The following TRPC4 variants were observed in gnomAD, a reference collection of about 807,000 sequenced individuals.
TRPC4 encodes transient receptor potential cation channel subfamily C member 4.
In TRPC4, 49 loss-of-function variants were observed where a neutral mutation model predicts 99.4. That is an observed-to-expected ratio of 0.49 (90% CI 0.39 to 0.63). The LOEUF (loss-of-function observed/expected upper bound fraction) is 0.63, where lower values mean the gene tolerates loss of function less well. Among genes scored for constraint, TRPC4 ranks in the 20% least tolerant of loss-of-function variants. The pLI is 0.00. For missense variants in TRPC4, 898 were observed against 1,152.9 expected (o/e 0.78, Z 3.20); for synonymous variants, 454 against 425.9 (o/e 1.07, Z -0.81).
intron 1 of TRPC4, among the ~76,000 whole-genome samples, chr13:37,800,906 T>A (rs962017057): frequency 2.0e-5 from 3 of 151,906 alleles, no homozygotes; most frequent in Admixed American, 6.6e-5. Flanking sequence ...ATGGTTTCGG[T>A]TTTTAAGCTG....
intron 3 of TRPC4, among the ~76,000 whole-genome samples, chr13:37,702,318 T>C (rs757336739): frequency 6.6e-6 from 1 of 152,190 alleles, no homozygotes; most frequent in Non-Finnish European, 1.5e-5. Flanking sequence ...GTTTGGACAT[T>C]AGCATGTCTT....
chr13:37,776,343 T>C (rs1465416376), intron 2 of TRPC4, among the ~76,000 whole-genome samples: 2 of 151,920 alleles, frequency 1.3e-5, no homozygotes, highest in Non-Finnish European at 2.9e-5. Flanking sequence ...AATCGATATA[T>C]AAAGAAACAT....
chr13:37,722,340 C>T (rs573971387), intron 3 of TRPC4, among the ~76,000 whole-genome samples: 1 of 152,264 alleles, frequency 6.6e-6, no homozygotes, highest in South Asian at 2.1e-4. Context: ...TAACCTTCTT[C>T]CACCACTGGC....
At chr13:37,656,955 G>A (rs1273858346) in intron 6 of TRPC4, among the ~76,000 whole-genome samples, 1 of 152,132 alleles carries the variant, frequency 6.6e-6, no homozygotes, top group Non-Finnish European at 1.5e-5. Flanking sequence ...AGACTGAAGG[G>A]CTATAATTCT....
intron 6 of TRPC4, among the ~76,000 whole-genome samples, chr13:37,657,211 T>C (rs1021845765): frequency 2.4e-4 from 37 of 152,350 alleles, no homozygotes; most frequent in African/African-American, 8.9e-4. Flanking sequence ...GAAAGGGCAC[T>C]GATCTGATCA....
chr13:37,740,508 T>C (rs780550506), intron 3 of TRPC4, among the ~76,000 whole-genome samples: 3 of 152,218 alleles, frequency 2.0e-5, no homozygotes, highest in Non-Finnish European at 2.9e-5. Flanking sequence ...AGTAGGGTTC[T>C]AGGCAGTTTT....
At chr13:37,846,156 G>A (rs577770238) in intron 1 of TRPC4, among the ~76,000 whole-genome samples, 7 of 152,220 alleles carry the variant, frequency 4.6e-5, no homozygotes, top group South Asian at 2.1e-4. Context: ...ACCACTAGGC[G>A]TGATTTATAG....
intron 1 of TRPC4, among the ~76,000 whole-genome samples, chr13:37,785,664 C>T (rs4258486): frequency 2.0e-5 from 3 of 151,906 alleles, no homozygotes; most frequent in Non-Finnish European, 2.9e-5. Context: ...AAGGTTAAGA[C>T]TCACGATAGA....
chr13:37,804,803 C>G (rs1048384863), intron 1 of TRPC4, among the ~76,000 whole-genome samples: 1 of 151,916 alleles, frequency 6.6e-6, no homozygotes, highest in Non-Finnish European at 1.5e-5. Context: ...ATAGGATATC[C>G]ATTTTGGAGG....
chr13:37,697,187 C>G (rs139924008), intron 3 of TRPC4, among the ~76,000 whole-genome samples: 222 of 152,178 alleles, frequency 1.5e-3, no homozygotes, highest in African/African-American at 5.2e-3. Flanking sequence ...ATATGTGAGT[C>G]AGACAGTGGC....
At chr13:37,641,543 C>T (rs201051704) in intron 8 of TRPC4, among the ~76,000 whole-genome samples, 15 of 152,188 alleles carry the variant, frequency 9.9e-5, no homozygotes, top group Non-Finnish European at 7.3e-5. Context: ...GCAGTGCGCT[C>T]ACCAAATAAT....
rs949969313 is a variant in TRPC4 at position 37,635,987 on chromosome 13, A to G, written c.*916T>C. Among the ~76,000 whole-genome samples the G allele has an allele frequency of 3.3e-5, 5 of 152,054 alleles. No individual in the cohort carries two copies. The highest frequency in any genetic ancestry group is 7.4e-5 in the Non-Finnish European group (5 of 67,994). On this transcript the variant is annotated 3_prime_UTR_variant, in exon 11 of 11. Transcript: ENST00000379705. ...CGTTGATTGAAAATACTGGAATTCAACTTTACTTAGATTTAGATTGTTAGA... is the reference window on the plus strand; with the variant it reads ...CGTTGATTGAAAATACTGGAATTCAGCTTTACTTAGATTTAGATTGTTAGA...
Position 37,639,066 on chromosome 13 carries a change from C to A in TRPC4, c.2185G>T (p.Glu729Ter). 6.2e-7 allele frequency: 1 copy of A among 1,613,632 alleles called. No homozygotes were observed. Among genetic ancestry groups the A allele is most frequent in the Non-Finnish European group, 8.5e-7 (1 of 1,179,622 alleles). The change falls in exon 10 of 11, where the codon GAA becomes TAA. Residue 729 changes from glutamate (E) to a stop codon, truncating the protein, a stop_gained. Coordinates refer to ENST00000379705, the MANE Select transcript of TRPC4 (RefSeq NM_016179.4). LOFTEE classifies it high-confidence loss of function. The stretch of plus-strand genomic sequence containing the variant: ...TTAAAGTTCTCTTCGGTCAGGCCTT[C>A]TTCAGTTTTAGCATCTCTAATCATT... ...AAMIRDAKTE[E>*]GLTEENFKEL...
chr13:37,688,322 G>A (rs1208861129), intron 4 of TRPC4, among the ~76,000 whole-genome samples: 1 of 152,114 alleles, frequency 6.6e-6, no homozygotes, highest in Non-Finnish European at 1.5e-5. Flanking sequence ...CAACAAGAAA[G>A]ATACTGAAAT....
rs977671766 is a variant in TRPC4, at chr13:37,692,413, T to C, written c.898-78A>G. On this transcript the variant is annotated intron_variant, in intron 3 of 10. Coordinates refer to ENST00000379705, the MANE Select transcript of TRPC4 (RefSeq NM_016179.4). ...CCTCAATTCATCAATAAGAACACAA[T>C]TGTGATCTTTAAAGACAGAAATTCT... 1.1e-5 allele frequency: 14 copies of C among 1,241,658 alleles called. No homozygotes were observed. The Admixed American group carries it at 2.2e-4, about 19-fold the overall frequency. The allele number at this position is 1,241,658 out of a possible 1,614,324, so 76.9% of individuals were successfully genotyped here. A position where few individuals can be genotyped will look rare whatever the true frequency, so the allele number is the denominator to read the frequency against.
intron 1 of TRPC4, among the ~76,000 whole-genome samples, chr13:37,806,553 A>G (rs990863504): frequency 1.3e-5 from 2 of 152,064 alleles, no homozygotes; most frequent in Non-Finnish European, 2.9e-5. Flanking sequence ...AGTTGCAACC[A>G]TATATGCTGG....
At position 37,766,297 on chromosome 13, in the gene TRPC4, G is replaced by A. The variant is rs554116916; in HGVS notation, c.378+16659C>T. On this transcript the variant is annotated intron_variant, in intron 2 of 10. Transcript: ENST00000379705. Reference sequence around the variant, plus strand: ...CCTCACATCTTAACCCACTTTGAATGTAGAACACGCAGAATATGGAGCATG... The same window carrying A: ...CCTCACATCTTAACCCACTTTGAATATAGAACACGCAGAATATGGAGCATG... 2.0e-5 allele frequency among the ~76,000 whole-genome samples: 3 copies of A among 151,538 alleles called. No homozygotes were observed. In the East Asian group the frequency reaches 5.9e-4, roughly 30 times the overall value.
chr13:37,712,049 A>T (rs1195233013), intron 3 of TRPC4, among the ~76,000 whole-genome samples: 2 of 151,938 alleles, frequency 1.3e-5, no homozygotes, highest in Non-Finnish European at 2.9e-5. Flanking sequence ...CTATATTTTG[A>T]GTGCTTAAAT....
At chr13:37,756,672 A>G (rs903543400) in intron 2 of TRPC4, among the ~76,000 whole-genome samples, 5 of 151,732 alleles carry the variant, frequency 3.3e-5, no homozygotes, top group African/African-American at 1.2e-4. Flanking sequence ...AGCTGGGATT[A>G]CAGGCAGGCA....
Sources: gnomAD v4.1 joint callset for allele counts (sites outside exome capture counted in the v4.1 genomes callset) on GRCh38, gnomAD v4.1.1 for gene constraint, MANE v1.5 for transcripts, NCBI Gene and HGNC (gene_info 2026-07-23, HGNC 2026-07-21) for gene names.